RABGAP1L: variants seen among roughly 807,000 people sequenced by gnomAD.
The protein encoded by RABGAP1L is RAB GTPase activating protein 1 like, also known as rab GTPase-activating protein 1-like.
RABGAP1L carries 63 observed loss-of-function variants against 137.7 expected under a neutral mutation model. The observed-to-expected ratio is 0.46, with a 90% CI of 0.37 to 0.56. The LOEUF (loss-of-function observed/expected upper bound fraction) is 0.56, where lower values mean the gene tolerates loss of function less well. Among genes scored for constraint, RABGAP1L ranks in the 20% least tolerant of loss-of-function variants. The pLI is 0.00. For missense variants in RABGAP1L, 1,095 were observed against 1,244.0 expected, an observed-to-expected ratio of 0.88 and a Z score of 1.80; for synonymous variants, 431 against 433.7, an observed-to-expected ratio of 0.99 and a Z score of 0.08.
Position 174,758,009 on chromosome 1 carries a change from C to T in RABGAP1L, c.2211+5655C>T, listed in dbSNP as rs558493894. On this transcript the variant is annotated intron_variant, in intron 18 of 25. Transcript: ENST00000681986. ...TTGCACTCCAGCCTGAGTGACAGAG[C>T]GAGACTCCATCTCAAAAAAAAAAAA... Among the ~76,000 whole-genome samples the T allele has an allele frequency of 2.8e-4, 37 of 130,806 alleles. No homozygotes were observed. In the East Asian group the frequency reaches 6.2e-3, roughly 22 times the overall value. 85.8% of individuals were successfully genotyped at this position (130,806 alleles called of 152,430 possible).
chr1:174,994,343 A>G lies in RABGAP1L; in HGVS notation c.*4342A>G, dbSNP rs1558318983. 1 of 152,162 alleles carries G rather than the reference A, an allele frequency of 6.6e-6. No individual in the cohort carries two copies. 9.4% of individuals were successfully genotyped at this position (152,162 alleles called of 1,614,324 possible). A position where few individuals can be genotyped will look rare whatever the true frequency, so the allele number is the denominator to read the frequency against. ...GCATTCCTTTCTCAGTTTGCATCTA[A>G]AAGACTACATATGTCAAGCTTATCT... is the stretch of plus-strand genomic sequence containing the variant. On this transcript the variant is annotated 3_prime_UTR_variant, in exon 26 of 26. Coordinates refer to ENST00000681986, the MANE Select transcript of RABGAP1L (RefSeq NM_001366446.1).
chr1:174,551,699 G>A (rs1025226139), intron 13 of RABGAP1L, among the ~76,000 whole-genome samples: 5 of 151,598 alleles, frequency 3.3e-5, no homozygotes, highest in South Asian at 2.1e-4. Context: ...AACAGAAATC[G>A]AAGAAATTGA....
chr1:174,804,878 T>C (rs1009897109), intron 18 of RABGAP1L, among the ~76,000 whole-genome samples: 1 of 152,108 alleles, frequency 6.6e-6, no homozygotes, highest in Non-Finnish European at 1.5e-5. Flanking sequence ...AAACATTAAG[T>C]TTAAGGAAGG....
chr1:174,857,950 TAA>T (rs1649590250), intron 19 of RABGAP1L, among the ~76,000 whole-genome samples: 1 of 152,230 alleles, frequency 6.6e-6, no homozygotes, highest in Non-Finnish European at 1.5e-5. Flanking sequence ...GTCTAATAGT[TAA>T]AAGTTAATTT....
chr1:174,886,087 C>T (rs1332534282), intron 19 of RABGAP1L, among the ~76,000 whole-genome samples: 3 of 148,674 alleles, frequency 2.0e-5, no homozygotes, highest in South Asian at 2.1e-4. Flanking sequence ...GACCTCAGCT[C>T]ACTGCAACCT....
At chr1:174,399,790 A>G (rs1648326346) in intron 13 of RABGAP1L, among the ~76,000 whole-genome samples, 1 of 152,122 alleles carries the variant, frequency 6.6e-6, no homozygotes, top group Non-Finnish European at 1.5e-5. Context: ...GATGCTTATA[A>G]AACCATCAGA....
chr1:174,973,864 T>G (rs530695090), intron 21 of RABGAP1L, among the ~76,000 whole-genome samples: 2 of 152,254 alleles, frequency 1.3e-5, no homozygotes, highest in East Asian at 3.9e-4. Flanking sequence ...GCAGTCTTCT[T>G]TATTAGCAGG....
chr1:174,333,797 A>G (rs1269507534), intron 11 of RABGAP1L, among the ~76,000 whole-genome samples: 1 of 152,194 alleles, frequency 6.6e-6, no homozygotes, highest in African/African-American at 2.4e-5. Flanking sequence ...CTTGATCTGG[A>G]GCAGAGCGTG....
chr1:174,561,368 CAA>C (rs933163455), intron 13 of RABGAP1L, among the ~76,000 whole-genome samples: 4 of 152,154 alleles, frequency 2.6e-5, no homozygotes, highest in Non-Finnish European at 4.4e-5. Context: ...AGGACACAAA[CAA>C]ATGGAAAGAC....
intron 13 of RABGAP1L, among the ~76,000 whole-genome samples, chr1:174,469,423 A>G (rs1424127809): frequency 2.0e-5 from 3 of 152,220 alleles, no homozygotes; most frequent in African/African-American, 7.2e-5. Context: ...GACAGTTTAC[A>G]TCAGATTCAC....
chr1:174,509,190 C>T (rs990388978), intron 13 of RABGAP1L, among the ~76,000 whole-genome samples: 9 of 151,988 alleles, frequency 5.9e-5, no homozygotes, highest in Non-Finnish European at 7.4e-5. Flanking sequence ...AGTTCAATGC[C>T]GTACATTCAA....
At chr1:174,244,076 A>C (rs1049079267) in intron 5 of RABGAP1L, among the ~76,000 whole-genome samples, 1 of 152,196 alleles carries the variant, frequency 6.6e-6, no homozygotes, top group Non-Finnish European at 1.5e-5. Flanking sequence ...GGTTGTAATT[A>C]ATCTGAAGTC....
chr1:174,444,309 G>A (rs971258328), intron 13 of RABGAP1L, among the ~76,000 whole-genome samples: 1 of 151,696 alleles, frequency 6.6e-6, no homozygotes, highest in Non-Finnish European at 1.5e-5. Context: ...CATGAACATG[G>A]CATATCTTTT....
intron 13 of RABGAP1L, among the ~76,000 whole-genome samples, chr1:174,414,990 C>G (rs1028837914): frequency 2.0e-5 from 3 of 151,978 alleles, no homozygotes; most frequent in African/African-American, 7.2e-5. Flanking sequence ...AAATTCAGTT[C>G]CTCTGTGAAA....
chr1:174,264,354 A>T (rs920180278), intron 7 of RABGAP1L, among the ~76,000 whole-genome samples: 2 of 151,978 alleles, frequency 1.3e-5, no homozygotes, highest in African/African-American at 4.8e-5. Context: ...ATTTTATTCC[A>T]TTTTGACATC....
At chr1:174,318,642 C>CTTTTTCTTTCT (rs2148820007) in intron 11 of RABGAP1L, among the ~76,000 whole-genome samples, 1 of 115,726 alleles carries the variant, frequency 8.6e-6, no homozygotes, top group East Asian at 2.5e-4. Context: ...CTTTTTCTTT[C>CTTTTTCTTTCT]TTTTTTGTAG....
intron 7 of RABGAP1L, among the ~76,000 whole-genome samples, chr1:174,259,753 C>T (rs990630343): frequency 6.6e-6 from 1 of 151,954 alleles, no homozygotes; most frequent in Non-Finnish European, 1.5e-5. Context: ...ATAATAATGG[C>T]CAACATTTAA....
At chr1:174,950,522 G>A (rs769851193) in intron 19 of RABGAP1L, among the ~76,000 whole-genome samples, 3 of 152,092 alleles carry the variant, frequency 2.0e-5, no homozygotes, top group Non-Finnish European at 4.4e-5. Flanking sequence ...TTCTTCTCGA[G>A]TGCATTATAC....
intron 10 of RABGAP1L, among the ~76,000 whole-genome samples, chr1:174,286,063 T>G (rs1032132807): frequency 3.3e-5 from 5 of 152,168 alleles, no homozygotes; most frequent in Admixed American, 6.5e-5. Context: ...TCGTCTGGCT[T>G]TGGTATCAGG....
Sources: gnomAD v4.1 joint callset for allele counts (sites outside exome capture counted in the v4.1 genomes callset) on GRCh38, gnomAD v4.1.1 for gene constraint, MANE v1.5 for transcripts, NCBI Gene and HGNC (gene_info 2026-07-23, HGNC 2026-07-21) for gene names.